The following CTBP1 variants were observed in gnomAD, a reference collection of about 807,000 sequenced individuals.
CTBP1 encodes C-terminal binding protein 1.
CTBP1 carries 11 observed loss-of-function variants against 42.1 expected under a neutral mutation model. That is an observed-to-expected ratio of 0.26 (90% CI 0.16 to 0.43). CTBP1 has a LOEUF of 0.43. Ranked by LOEUF, CTBP1 falls within the 20% of genes least tolerant of loss-of-function variation. The pLI is 1.00. For synonymous variants in CTBP1, 324 were observed against 277.1 expected, an observed-to-expected ratio of 1.17 and a Z score of -1.68; for missense variants, 399 against 624.3, an observed-to-expected ratio of 0.64 and a Z score of 3.85.
At chr4:1,216,573 G>A in intron 5 of CTBP1, 1 of 369,518 alleles carries the variant, frequency 2.7e-6, no homozygotes, top group East Asian at 5.3e-5. Context: ...TCCGTGCCCA[G>A]GCCCCTCCGC....
chr4:1,215,931 G>A (rs1729059870), intron 6 of CTBP1, 60 bp downstream of exon 6: 1 of 1,524,060 alleles, frequency 6.6e-7, no homozygotes, highest in African/African-American at 1.4e-5. Context: ...GGACCTGCCT[G>A]ACACCCCCAC....
chr4:1,221,048 C>T lies in CTBP1; in HGVS notation c.514+4312G>A, dbSNP rs558350684. ...AAGTCAAGCCACGGCCTGAGATATT[C>T]GTAAACAAGAAAAAACAAAAATTTT... On this transcript the variant is annotated intron_variant, in intron 5 of 9. Coordinates refer to ENST00000382952, the MANE Select transcript of CTBP1 (RefSeq NM_001012614.2). Among the ~76,000 whole-genome samples, 4 of 152,304 alleles carry T rather than the reference C, an allele frequency of 2.6e-5. No individual in the cohort carries two copies. The East Asian group carries it at 5.8e-4, about 22-fold the overall frequency.
chr4:1,217,350 G>A (rs1390946426), intron 5 of CTBP1: 4 of 152,488 alleles, frequency 2.6e-5, no homozygotes, highest in Admixed American at 2.0e-4. Context: ...CAGGGACGAG[G>A]CTGCTGCAGG....
chr4:1,213,571 G>C lies in CTBP1; in HGVS notation c.895C>G (p.Leu299Val). ...CATGCAGCATGGGGGGTGCAGATGA[G>C]GTTGGGTGCATCCTTCAGAGGGCCC... Reference protein sequence around the residue: ...SQGPLKDAPNLICTPHAAWYS... With the variant: ...SQGPLKDAPNVICTPHAAWYS... Residue 299 changes from leucine to valine, a missense_variant, in exon 8 of 10, where the codon CTC becomes GTC. Leu to Val is a conservative substitution (Grantham distance 32). Transcript: ENST00000382952. 6.2e-7 allele frequency: 1 copy of C among 1,613,342 alleles called. No individual in the cohort carries two copies. The highest frequency in any genetic ancestry group is 1.1e-5 in the South Asian group (1 of 91,088).
chr4:1,239,834 G>T (rs1192104524), intron 2 of CTBP1, among the ~76,000 whole-genome samples: 1 of 152,232 alleles, frequency 6.6e-6, no homozygotes, highest in Non-Finnish European at 1.5e-5. Context: ...GGTCTGCACG[G>T]TCAAAACCGC....
At chr4:1,245,651 G>T (rs1732641297) in intron 1 of CTBP1, 1 of 984,210 alleles carries the variant, frequency 1.0e-6, no homozygotes, top group Non-Finnish European at 1.2e-6. Context: ...GGACGGGCAG[G>T]GTGACACGGG....
At position 1,238,131 on chromosome 4, in the gene CTBP1, A is replaced by G; in HGVS notation, c.162+52T>C. The G allele has an allele frequency of 1.2e-6, 2 of 1,610,954 alleles. No homozygotes were observed. Among genetic ancestry groups the G allele is most frequent in the Non-Finnish European group, 1.7e-6 (2 of 1,178,964 alleles). ...GGGCCTGCCGTGCTCCCGTCCCTCC[A>G]ACTCCCCCCAACGTGCGGTTCTGCC... On this transcript the variant is annotated intron_variant, in intron 3 of 9. Transcript: ENST00000382952. This position sits in a 1 kb window ranked among gnomAD's most constrained non-coding sequence, Gnocchi z 5.9.
At chr4:1,239,416 G>C (rs1424979315) in intron 2 of CTBP1, among the ~76,000 whole-genome samples, 1 of 152,216 alleles carries the variant, frequency 6.6e-6, no homozygotes, top group Non-Finnish European at 1.5e-5. Context: ...CAGCAGGAGG[G>C]GAGGCGCACG....
intron 1 of CTBP1, chr4:1,243,239 G>A (rs1023481773): frequency 1.2e-5 from 12 of 985,224 alleles, no homozygotes; most frequent in East Asian, 2.3e-4. Flanking sequence ...TGGCCAGTAC[G>A]TGCCCACACC....
intron 5 of CTBP1, chr4:1,216,417 C>T (rs1338738304): frequency 1.7e-6 from 1 of 605,490 alleles, no homozygotes. Flanking sequence ...AGGAGATGCA[C>T]AGGGGTGGAA....
chr4:1,224,254 C>CCATGTGATACCCGTGTGT (rs1355017401), intron 5 of CTBP1, among the ~76,000 whole-genome samples: 1 of 152,120 alleles, frequency 6.6e-6, no homozygotes, highest in Non-Finnish European at 1.5e-5. Flanking sequence ...CCCATGTGTG[C>CCATGTGATACCCGTGTGT]CATGTGATAC....
intron 6 of CTBP1, among the ~76,000 whole-genome samples, chr4:1,215,122 A>T (rs1728971454): frequency 6.6e-6 from 1 of 152,132 alleles, no homozygotes; most frequent in African/African-American, 2.4e-5. Flanking sequence ...TGCCCATTAA[A>T]GCCTCACACC....
chr4:1,244,653 C>T (rs1322639176), intron 1 of CTBP1: 5 of 985,270 alleles, frequency 5.1e-6, no homozygotes, highest in Non-Finnish European at 4.8e-6. Context: ...AAGGGCTCCC[C>T]GACCACCAGA....
chr4:1,213,248 G>A (rs959381571), intron 8 of CTBP1, among the ~76,000 whole-genome samples: 2 of 151,990 alleles, frequency 1.3e-5, no homozygotes, highest in African/African-American at 2.4e-5. Flanking sequence ...CTTGCTGAGG[G>A]ACCTGTCTGC....
intron 3 of CTBP1, chr4:1,234,765 A>C (rs1731312502): frequency 6.6e-6 from 1 of 152,188 alleles, no homozygotes; most frequent in African/African-American, 2.4e-5. Context: ...AACCGTACCT[A>C]ACAAAGGGCA....
At chr4:1,220,239 C>T (rs981422628) in intron 5 of CTBP1, among the ~76,000 whole-genome samples, 57 of 148,036 alleles carry the variant, frequency 3.9e-4, no homozygotes, top group Admixed American at 1.1e-3. Flanking sequence ...TGCAGTGTGC[C>T]GAAATCACGC....
rs370442230 is a variant in CTBP1, at chr4:1,224,266, CGT to C, written c.514+1092_514+1093del. On this transcript the variant is annotated intron_variant, in intron 5 of 9. Transcript: ENST00000382952. Reference sequence around the variant, plus strand: ...GTGCCCATGTGTGCCATGTGATACCCGTGTGTGTGTGCTGTGACATCTGTATG... The same window carrying C: ...GTGCCCATGTGTGCCATGTGATACCCGTGTGTGTGCTGTGACATCTGTATG... 4.8e-3 allele frequency among the ~76,000 whole-genome samples: 737 copies of C among 152,208 alleles called. 3 individuals are homozygous for C. Among genetic ancestry groups the C allele is most frequent in the African/African-American group, 0.016 (678 of 41,526 alleles).
intron 5 of CTBP1, chr4:1,223,573 C>T (rs1218306701): frequency 2.2e-6 from 1 of 447,782 alleles, no homozygotes; most frequent in Non-Finnish European, 4.5e-6. Context: ...TGGCAAGGCC[C>T]TTGCATCCCC....
At chr4:1,224,793 T>G (rs976269629) in intron 5 of CTBP1, among the ~76,000 whole-genome samples, 1 of 151,178 alleles carries the variant, frequency 6.6e-6, no homozygotes, top group Admixed American at 6.6e-5. Flanking sequence ...GTGATGTCCA[T>G]GTGTGATTTC....
Sources: gnomAD v4.1 joint callset for allele counts (sites outside exome capture counted in the v4.1 genomes callset) on GRCh38, gnomAD v4.1.1 for gene constraint, Gnocchi (gnomAD v3.1) non-coding constraint, MANE v1.5 for transcripts, NCBI Gene and HGNC (gene_info 2026-07-23, HGNC 2026-07-21) for gene names.